Variants in SEMA3C observed in about 807,000 individuals in gnomAD.
SEMA3C encodes the protein semaphorin 3C, also known as semaphorin-3C.
In SEMA3C, 47 loss-of-function variants were observed where a neutral mutation model predicts 89.4. The ratio of observed to expected loss-of-function variants is 0.53; its 90% CI spans 0.42 to 0.67. SEMA3C has a LOEUF of 0.67. SEMA3C is among the 30% of genes least tolerant of loss of function. The pLI, the probability that SEMA3C is intolerant of heterozygous loss-of-function variation, is 0.00. For missense variants in SEMA3C, 839 were observed against 929.1 expected, an observed-to-expected ratio of 0.90 and a Z score of 1.26; for synonymous variants, 310 against 320.2, an observed-to-expected ratio of 0.97 and a Z score of 0.34.
intron 2 of SEMA3C, among the ~76,000 whole-genome samples, chr7:80,879,199 G>T (rs1446389703): frequency 1.3e-5 from 2 of 151,414 alleles, no homozygotes; most frequent in African/African-American, 4.9e-5. Context: ...AACCTAGGAA[G>T]GATTATTAAA....
intron 12 of SEMA3C, among the ~76,000 whole-genome samples, chr7:80,777,241 T>C (rs987401353): frequency 1.1e-4 from 16 of 152,162 alleles, no homozygotes; most frequent in African/African-American, 3.9e-4. Flanking sequence ...ATATATTCCC[T>C]AACCTTTCAT....
At chr7:80,889,195 T>C (rs986349059) in intron 2 of SEMA3C, among the ~76,000 whole-genome samples, 3 of 152,216 alleles carry the variant, frequency 2.0e-5, no homozygotes, top group Admixed American at 6.5e-5. Context: ...AATATGAATG[T>C]CTTTTTTGTT....
At chr7:80,760,469 T>C (rs1361932488) in intron 14 of SEMA3C, among the ~76,000 whole-genome samples, 1 of 152,196 alleles carries the variant, frequency 6.6e-6, no homozygotes, top group Non-Finnish European at 1.5e-5. Flanking sequence ...TCTCGTTACT[T>C]GGGAAAATGT....
chr7:80,757,143 A>T (rs561432836), intron 15 of SEMA3C, among the ~76,000 whole-genome samples: 1 of 152,342 alleles, frequency 6.6e-6, no homozygotes, highest in South Asian at 2.1e-4. Flanking sequence ...AGGTCCTCAA[A>T]GGAATGTAGA....
chr7:80,919,232 A>T (rs985695003), upstream of SEMA3C: 1 of 985,120 alleles, frequency 1.0e-6, no homozygotes, highest in African/African-American at 1.7e-5. Context: ...AGAGCCTGGC[A>T]GGGAGCCGCG....
intron 2 of SEMA3C, among the ~76,000 whole-genome samples, chr7:80,836,017 G>T (rs1583924596): frequency 3.3e-5 from 5 of 152,152 alleles, no homozygotes; most frequent in Admixed American, 3.3e-4. Flanking sequence ...TACTAGTTGG[G>T]TTTCTTTCAT....
intron 4 of SEMA3C, among the ~76,000 whole-genome samples, chr7:80,823,117 C>T (rs1789792069): frequency 6.6e-6 from 1 of 152,124 alleles, no homozygotes; most frequent in Non-Finnish European, 1.5e-5. Flanking sequence ...GTCTATATAA[C>T]AAAACCCTGG....
intron 14 of SEMA3C, among the ~76,000 whole-genome samples, chr7:80,761,051 A>G (rs1788171796): frequency 6.6e-6 from 1 of 152,084 alleles, no homozygotes. Context: ...TCAGACAATT[A>G]ATTTGAGGAT....
At chr7:80,865,366 A>T (rs1301316028) in intron 2 of SEMA3C, among the ~76,000 whole-genome samples, 18 of 152,146 alleles carry the variant, frequency 1.2e-4, no homozygotes, top group Non-Finnish European at 2.6e-4. Flanking sequence ...GACACCCCTA[A>T]ATGGTACTGG....
At chr7:80,819,668 A>C (rs981879538) in intron 4 of SEMA3C, among the ~76,000 whole-genome samples, 2 of 152,182 alleles carry the variant, frequency 1.3e-5, no homozygotes, top group Non-Finnish European at 2.9e-5. Flanking sequence ...CTCCTTTCTC[A>C]CTTGCTCCCA....
chr7:80,824,079 T>C (rs1453786948), intron 4 of SEMA3C, among the ~76,000 whole-genome samples: 1 of 152,164 alleles, frequency 6.6e-6, no homozygotes. Flanking sequence ...CTTCTTATAA[T>C]TGTTATCTTG....
At chr7:80,860,442 A>G (rs1790744812) in intron 2 of SEMA3C, among the ~76,000 whole-genome samples, 3 of 152,310 alleles carry the variant, frequency 2.0e-5, no homozygotes, top group South Asian at 4.1e-4. Flanking sequence ...GGCTCTGGAC[A>G]TACAATAGAT....
At chr7:80,896,582 C>T (rs1440822033) in intron 2 of SEMA3C, among the ~76,000 whole-genome samples, 1 of 152,148 alleles carries the variant, frequency 6.6e-6, no homozygotes, top group Non-Finnish European at 1.5e-5. Context: ...TCTTAGCCTC[C>T]TAAATCAGCC....
At chr7:80,910,799 T>C (rs533038173) in intron 2 of SEMA3C, among the ~76,000 whole-genome samples, 1 of 152,048 alleles carries the variant, frequency 6.6e-6, no homozygotes, top group African/African-American at 2.4e-5. Context: ...AAAAATTGAG[T>C]GTGTCTCGGT....
intron 2 of SEMA3C, among the ~76,000 whole-genome samples, chr7:80,911,616 C>CTTT (rs774658177): frequency 7.1e-6 from 1 of 140,962 alleles, no homozygotes; most frequent in Non-Finnish European, 1.6e-5. Flanking sequence ...AGAATAGGAC[C>CTTT]TTTTTTTTTT....
intron 2 of SEMA3C, among the ~76,000 whole-genome samples, chr7:80,840,518 GAAAAAAA>G (rs1171113816): frequency 1.1e-3 from 93 of 82,526 alleles, no homozygotes; most frequent in African/African-American, 2.8e-3. Context: ...CTGTCTCCAG[GAAAAAAA>G]AAAAAAAAAA....
intron 4 of SEMA3C, among the ~76,000 whole-genome samples, chr7:80,824,478 T>C (rs1032732367): frequency 3.9e-5 from 6 of 152,102 alleles, no homozygotes; most frequent in East Asian, 3.9e-4. Flanking sequence ...AGAGAATCAA[T>C]TGCATGCAGC....
At chr7:80,891,390 TC>T (rs1407119575) in intron 2 of SEMA3C, among the ~76,000 whole-genome samples, 13 of 152,058 alleles carry the variant, frequency 8.5e-5, no homozygotes, top group Non-Finnish European at 1.9e-4. Flanking sequence ...TTCTACTGCT[TC>T]CCTAGTAGCA....
chr7:80,860,882 T>C (rs113740071), intron 2 of SEMA3C, among the ~76,000 whole-genome samples: 1,715 of 152,336 alleles, frequency 0.011, 28 homozygotes, highest in African/African-American at 0.036. Flanking sequence ...TTTTCTTCTG[T>C]AGTTACCTTC....
Sources: allele counts gnomAD v4.1 joint callset (sites outside exome capture counted in the v4.1 genomes callset), GRCh38; gene constraint gnomAD v4.1.1; transcripts MANE v1.5; gene names NCBI Gene and HGNC (gene_info 2026-07-23, HGNC 2026-07-21).